The following NOP58 variants were observed in gnomAD, a reference collection of about 807,000 sequenced individuals.
The protein encoded by NOP58 is NOP58 ribonucleoprotein.
A neutral mutation model predicts 71.2 loss-of-function variants in NOP58; 44 were observed. The observed-to-expected ratio is 0.62, with a 90% confidence interval of 0.49 to 0.79. The LOEUF is 0.79. Ranked by LOEUF, NOP58 falls within the 30% of genes least tolerant of loss-of-function variation. The pLI is 0.00. For synonymous variants in NOP58, 228 were observed against 200.3 expected (o/e 1.14, Z -1.17); for missense variants, 538 against 620.2 (o/e 0.87, Z 1.41).
At chr2:202,298,132 T>G (rs909911360) in intron 12 of NOP58, among the ~76,000 whole-genome samples, 6 of 152,222 alleles carry the variant, frequency 3.9e-5, no homozygotes, top group Non-Finnish European at 7.3e-5. Flanking sequence ...TGTACTTTTT[T>G]TGTGGTGAGG....
chr2:202,299,495 A>G (rs1169219935), intron 12 of NOP58, among the ~76,000 whole-genome samples: 1 of 152,186 alleles, frequency 6.6e-6, no homozygotes, highest in Non-Finnish European at 1.5e-5. Flanking sequence ...GTTGACAAAC[A>G]TGGTTCTTTG....
chr2:202,282,463 G>T lies in NOP58; in HGVS notation c.288G>T (p.Gly96=), dbSNP rs763145465. ...PLAVADAKLG[G]VIKEKLNLSC... ...CAGTAGCTGATGCTAAACTAGGAGG[G>T]GTCATAAAGGTAAAGTCACGATATT... Residue 96 remains glycine (G), a synonymous_variant, in exon 4 of 15, where the codon GGG becomes GGT. Transcript: ENST00000264279. 5.6e-6 allele frequency: 9 copies of T among 1,606,874 alleles called. No individual in the cohort carries two copies. The South Asian group carries it at 1.0e-4, about 18-fold the overall frequency.
intron 3 of NOP58, 21 bp downstream of exon 3, chr2:202,278,023 C>T (rs1559261104): frequency 1.3e-6 from 2 of 1,494,170 alleles, no homozygotes. Context: ...AAATTAGAAG[C>T]TTGCTTTTTT....
intron 8 of NOP58, among the ~76,000 whole-genome samples, chr2:202,291,806 CAAAAAAAAAAA>C (rs1161178890): frequency 2.4e-5 from 1 of 41,900 alleles, no homozygotes; most frequent in South Asian, 1.3e-3. Context: ...AACTCCATCT[CAAAAAAAAAAA>C]AAAAAAAAAA....
chr2:202,269,069 A>G (rs945057281), intron 1 of NOP58, among the ~76,000 whole-genome samples: 7 of 151,954 alleles, frequency 4.6e-5, no homozygotes, highest in Non-Finnish European at 7.4e-5. Context: ...GGCTCATTGC[A>G]GCCTTGGCCT....
In NOP58 at chr2:202,303,463, C is replaced by G. The variant is rs761580472; in HGVS notation, c.*27C>G. ...AGAAAGGAATTACGATTATATCACC[C>G]GGACACACATCATGCTTAAGATTCA... On this transcript the variant is annotated 3_prime_UTR_variant, in exon 15 of 15. Coordinates refer to ENST00000264279, the MANE Select transcript of NOP58 (RefSeq NM_015934.5). The G allele has an allele frequency of 6.3e-6, 10 of 1,595,966 alleles. No homozygotes were observed. In the Admixed American group the frequency reaches 1.6e-4, roughly 25 times the overall value.
chr2:202,278,244 G>T (rs762914322), intron 3 of NOP58: 2 of 601,364 alleles, frequency 3.3e-6, no homozygotes, highest in Non-Finnish European at 6.4e-6. Flanking sequence ...GGAGAGGTGA[G>T]AAGTGGTTAA....
intron 3 of NOP58, among the ~76,000 whole-genome samples, chr2:202,280,985 G>C (rs1688692286): frequency 6.6e-6 from 1 of 151,948 alleles, no homozygotes; most frequent in Admixed American, 6.6e-5. Context: ...GCCTCCTGAA[G>C]TGCTGGGATT....
At chr2:202,285,944 C>T (rs1302041886) in intron 5 of NOP58, among the ~76,000 whole-genome samples, 2 of 150,900 alleles carry the variant, frequency 1.3e-5, no homozygotes, top group Non-Finnish European at 3.0e-5. Flanking sequence ...CCTGTAATCC[C>T]AACACTTTGG....
chr2:202,282,874 G>A (rs1688728284), intron 4 of NOP58, among the ~76,000 whole-genome samples: 1 of 152,118 alleles, frequency 6.6e-6, no homozygotes, highest in Non-Finnish European at 1.5e-5. Context: ...AAATGTGAGA[G>A]TGGAAAGAAA....
chr2:202,288,957 A>G (rs1688837942), intron 6 of NOP58, among the ~76,000 whole-genome samples: 1 of 152,044 alleles, frequency 6.6e-6, no homozygotes, highest in African/African-American at 2.4e-5. Context: ...TGTCTTTACT[A>G]AAAATACAAA....
intron 6 of NOP58, among the ~76,000 whole-genome samples, chr2:202,288,221 A>T (rs1332551892): frequency 6.6e-6 from 1 of 152,134 alleles, no homozygotes; most frequent in Non-Finnish European, 1.5e-5. Flanking sequence ...ACAGTGGCTC[A>T]TGCCTGTAAT....
chr2:202,270,725 G>C (rs1412933371), intron 1 of NOP58, among the ~76,000 whole-genome samples: 2 of 152,006 alleles, frequency 1.3e-5, no homozygotes, highest in African/African-American at 2.4e-5. Flanking sequence ...ACTTTAGCCT[G>C]GACAACAGAG....
chr2:202,275,364 C>G (rs944769159), intron 2 of NOP58, 175 bp downstream of exon 2: 6 of 521,946 alleles, frequency 1.1e-5, no homozygotes, highest in Non-Finnish European at 2.1e-5. Flanking sequence ...GGAATATAGG[C>G]CATCTCAATT....
chr2:202,301,889 T>C (rs2105859413), intron 13 of NOP58, among the ~76,000 whole-genome samples: 1 of 152,190 alleles, frequency 6.6e-6, no homozygotes, highest in Non-Finnish European at 1.5e-5. Flanking sequence ...TTTTTATTCT[T>C]ACCACTTTAA....
chr2:202,287,833 C>T lies in NOP58; in HGVS notation c.499+109C>T. On this transcript the variant is annotated intron_variant, in intron 6 of 14. Coordinates refer to ENST00000264279, the MANE Select transcript of NOP58 (RefSeq NM_015934.5). ...GTCTGTTGAGAAAGAGAAAGGAGGC[C>T]AGGTGTGGTGGCTCAAGCCTTTAAT... 3 of 875,204 alleles carry T rather than the reference C, an allele frequency of 3.4e-6. No individual in the cohort carries two copies. The South Asian group carries it at 4.5e-5, about 13-fold the overall frequency. 54.2% of individuals were successfully genotyped at this position (875,204 alleles called of 1,614,324 possible).
chr2:202,275,492 CT>C (rs2105839593), intron 2 of NOP58: 1 of 226,664 alleles, frequency 4.4e-6, no homozygotes, highest in East Asian at 1.0e-4. Context: ...ACACATTTGT[CT>C]TCGTGTCTTC....
At chr2:202,299,151 GGTTTCATCAT>G (rs1689045821) in intron 12 of NOP58, among the ~76,000 whole-genome samples, 1 of 151,698 alleles carries the variant, frequency 6.6e-6, no homozygotes, top group South Asian at 2.1e-4. Flanking sequence ...GTAGAGTCGG[GGTTTCATCAT>G]GTTGGCCAGG....
intron 3 of NOP58, among the ~76,000 whole-genome samples, chr2:202,279,326 C>T (rs1688661968): frequency 6.6e-6 from 1 of 152,088 alleles, no homozygotes; most frequent in Non-Finnish European, 1.5e-5. Context: ...ACTATTAATA[C>T]CTAATATATT....
Sources: gnomAD v4.1 joint callset for allele counts (sites outside exome capture counted in the v4.1 genomes callset) on GRCh38, gnomAD v4.1.1 for gene constraint, MANE v1.5 for transcripts, NCBI Gene and HGNC (gene_info 2026-07-23, HGNC 2026-07-21) for gene names.